USP36: variants seen among roughly 807,000 people sequenced by gnomAD.
USP36 encodes the protein ubiquitin carboxyl-terminal hydrolase 36.
USP36 carries 59 observed loss-of-function variants against 111.5 expected under a neutral mutation model. The ratio of observed to expected loss-of-function variants is 0.53; its 90% CI spans 0.43 to 0.66. The LOEUF (loss-of-function observed/expected upper bound fraction) is 0.66. USP36 is among the 30% of genes least tolerant of loss of function. The probability of loss-of-function intolerance (pLI) is 0.00; values close to 1 mark genes in which losing one functional copy is unlikely to be tolerated. For synonymous variants in USP36, 628 were observed against 581.0 expected (o/e 1.08, Z -1.16); for missense variants, 1,488 against 1,468.0 (o/e 1.01, Z -0.22).
At chr17:78,836,453 C>A in intron 2 of USP36, 81 bp from the exon 3 acceptor site, 1 of 1,522,598 alleles carries the variant, frequency 6.6e-7, no homozygotes, top group South Asian at 1.3e-5. Context: ...CCTCTTTGGT[C>A]ATTATGGATG....
At chr17:78,827,474 G>T in intron 5 of USP36, 127 bp from the exon 6 acceptor site, 3 of 845,226 alleles carry the variant, frequency 3.5e-6, no homozygotes, top group East Asian at 2.7e-5. Context: ...AAAGGAACAA[G>T]TGAGGAAAAC....
At chr17:78,799,645 A>G in intron 18 of USP36, 22 bp downstream of exon 18, 1 of 1,608,414 alleles carries the variant, frequency 6.2e-7, no homozygotes, top group Non-Finnish European at 8.5e-7. Flanking sequence ...GGCAAACAGA[A>G]GTCCTGTCTC....
intron 5 of USP36, among the ~76,000 whole-genome samples, chr17:78,828,490 T>C (rs1199277788): frequency 6.6e-6 from 1 of 152,150 alleles, no homozygotes; most frequent in Non-Finnish European, 1.5e-5. Context: ...CTCCTCCACC[T>C]GCCCAAAGGA....
At chr17:78,829,508 G>A (rs1394917750) in intron 4 of USP36, among the ~76,000 whole-genome samples, 1 of 152,162 alleles carries the variant, frequency 6.6e-6, no homozygotes, top group African/African-American at 2.4e-5. Context: ...GGATACATCT[G>A]GGGTTGAAAA....
intron 4 of USP36, among the ~76,000 whole-genome samples, chr17:78,832,480 G>A (rs1274356938): frequency 6.6e-6 from 1 of 152,210 alleles, no homozygotes; most frequent in Non-Finnish European, 1.5e-5. Flanking sequence ...GACCGGTATT[G>A]GAAGGAAGAC....
intron 4 of USP36, among the ~76,000 whole-genome samples, chr17:78,833,424 G>A (rs1003300132): frequency 1.1e-4 from 16 of 152,128 alleles, no homozygotes; most frequent in South Asian, 2.1e-4. Flanking sequence ...TGGGATTACA[G>A]GTGTGAGCCA....
At position 78,835,471 on chromosome 17, in the gene USP36, T is replaced by C; in HGVS notation, c.284A>G (p.Asp95Gly). The change falls in exon 4 of 21, where the codon GAC becomes GGC. Residue 95 changes from aspartate to glycine, a missense_variant. Asp to Gly is a moderately conservative substitution (Grantham distance 94). Around this residue, in one of 3 missense-constraint regions of USP36, gnomAD observed 219 missense variants for 209.5 expected, o/e 1.05. Coordinates refer to ENST00000449938, the MANE Select transcript of USP36 (RefSeq NM_001385174.1). ...GSEHTYESCGDGVPAPQKVLF... is the reference protein window; with the variant it reads ...GSEHTYESCGGGVPAPQKVLF... ...CACTTTCTGCGGGGCTGGGACTCCG[T>C]CACCACAGCTCTCATACGTGTGCTC... is the stretch of plus-strand genomic sequence containing the variant. 6.2e-7 allele frequency: 1 copy of C among 1,609,422 alleles called. No homozygotes were observed. The highest frequency in any genetic ancestry group is 8.5e-7 in the Non-Finnish European group (1 of 1,177,698).
At chr17:78,835,022 G>A (rs1056770716) in intron 4 of USP36, among the ~76,000 whole-genome samples, 6 of 129,208 alleles carry the variant, frequency 4.6e-5, no homozygotes, top group Non-Finnish European at 7.9e-5. Context: ...TATATATTTT[G>A]GAAGTATCTT....
At chr17:78,812,732 A>C in intron 13 of USP36, 128 bp downstream of exon 13, 1 of 883,022 alleles carries the variant, frequency 1.1e-6, no homozygotes, top group Non-Finnish European at 1.6e-6. Context: ...AAGAAAAGAA[A>C]TAACATCAAC....
rs552956040 is a variant in USP36, at chr17:78,813,745, T to G, written c.1265+28A>C. ...TAAGAAAAGAGCAGAGGGAGTGAGC[T>G]CATCTGGGGAGGGCGTGAGTTTATT... On this transcript the variant is annotated intron_variant, in intron 12 of 20. Coordinates refer to ENST00000449938, the MANE Select transcript of USP36 (RefSeq NM_001385174.1). 44 of 1,598,854 alleles carry G rather than the reference T, an allele frequency of 2.8e-5. No individual in the cohort carries two copies. The Admixed American group carries it at 5.4e-4, about 20-fold the overall frequency.
At chr17:78,813,998 A>T in intron 11 of USP36, 125 bp from the exon 12 acceptor site, 1 of 783,910 alleles carries the variant, frequency 1.3e-6, no homozygotes, top group Non-Finnish European at 2.1e-6. Context: ...AATAATCAAC[A>T]GGTAACAACT....
Position 78,798,818 on chromosome 17 carries a change from G to T in USP36, c.3240+90C>A. ...CTCTTCTCATGCTCGGCCGCTTCAT[G>T]CCACTGCCGCCACCTCCAACTGCCC... is the stretch of plus-strand genomic sequence containing the variant. On this transcript the variant is annotated intron_variant, in intron 19 of 20. Coordinates refer to ENST00000449938, the MANE Select transcript of USP36 (RefSeq NM_001385174.1). The surrounding 1 kb of genome is among the most constrained non-coding windows in gnomAD (Gnocchi z 5.1). The T allele has an allele frequency of 6.7e-7, 1 of 1,485,222 alleles. No homozygotes were observed. The highest frequency in any genetic ancestry group is 9.3e-7 in the Non-Finnish European group (1 of 1,074,642). The allele number at this position is 1,485,222 out of a possible 1,614,324, so 92.0% of individuals were successfully genotyped here. A position where few individuals can be genotyped will look rare whatever the true frequency, so the allele number is the denominator to read the frequency against.
In USP36 at chr17:78,820,021, G is replaced by T; in HGVS notation, c.829-9C>A. 2 of 1,613,134 alleles carry T rather than the reference G, an allele frequency of 1.2e-6. No homozygotes were observed. The highest frequency in any genetic ancestry group is 1.1e-5 in the South Asian group (1 of 90,916). ...ACAATATTCGCAGCTTGCTGAGGAG[G>T]ACAAAAACAGGGAGTAAAATACACA... On this transcript the variant is annotated splice_polypyrimidine_tract_variant and intron_variant, in intron 8 of 20. Transcript: ENST00000449938.
Position 78,821,002 on chromosome 17 carries a change from G to C in USP36, c.817C>G (p.Leu273Val), listed in dbSNP as rs1045911594. ...DTYDPYLDVA[L>V]EIRQAANIVR... The stretch of plus-strand genomic sequence containing the variant: ...GGACAGATCTGTACCCGGATCTCCA[G>C]CGCGACGTCCAAGTAGGGGTCGTAG... The change falls in exon 8 of 21, where the codon CTG (leucine) becomes GTG (valine). Residue 273 changes from leucine (L) to valine (V), a missense_variant. By Grantham distance (32) the Leu-to-Val change is conservative. Around this residue, in one of 3 missense-constraint regions of USP36, gnomAD observed 196 missense variants for 264.4 expected, o/e 0.74. Coordinates refer to ENST00000449938, the MANE Select transcript of USP36 (RefSeq NM_001385174.1). The C allele has an allele frequency of 6.2e-7, 1 of 1,608,894 alleles. No homozygotes were observed. The highest frequency in any genetic ancestry group is 8.5e-7 in the Non-Finnish European group (1 of 1,177,660).
At chr17:78,804,625 T>TAAAAA (rs35371422) in intron 15 of USP36, among the ~76,000 whole-genome samples, 5 of 38,340 alleles carry the variant, frequency 1.3e-4, no homozygotes, top group South Asian at 8.0e-4. Context: ...CCCTGAGATT[T>TAAAAA]AAAAAAAAAA....
chr17:78,828,805 G>C, intron 5 of USP36, 92 bp downstream of exon 5: 3 of 1,299,064 alleles, frequency 2.3e-6, no homozygotes, highest in Non-Finnish European at 2.1e-6. Context: ...AGGAATTTAA[G>C]ACCAGCCTGG....
At position 78,832,474 on chromosome 17, in the gene USP36, G is replaced by A. The variant is rs976954413; in HGVS notation, c.475+2806C>T. 3.3e-5 allele frequency among the ~76,000 whole-genome samples: 5 copies of A among 152,328 alleles called. No homozygotes were observed. In the East Asian group the frequency reaches 5.8e-4, roughly 18 times the overall value. ...CACAGTGATACTGGCCCATGGGACC[G>A]GTATTGGAAGGAAGACCAGGCGTTC... is the stretch of plus-strand genomic sequence containing the variant. On this transcript the variant is annotated intron_variant, in intron 4 of 20. Transcript: ENST00000449938.
chr17:78,828,772 A>C, intron 5 of USP36, 125 bp downstream of exon 5: 1 of 938,872 alleles, frequency 1.1e-6, no homozygotes, highest in East Asian at 2.7e-5. Context: ...TGGCAGGCCA[A>C]AACGGAAGGA....
chr17:78,821,120 C>T, intron 7 of USP36, 59 bp from the exon 8 acceptor site: 1 of 1,513,396 alleles, frequency 6.6e-7, no homozygotes, highest in African/African-American at 1.4e-5. Flanking sequence ...TCCCAGCTCC[C>T]AAGACCGAGA....
Sources: gnomAD v4.1 joint callset for allele counts (sites outside exome capture counted in the v4.1 genomes callset) on GRCh38, gnomAD v4.1.1 for gene constraint, gnomAD v4.1.1 regional missense constraint, Gnocchi (gnomAD v3.1) non-coding constraint, MANE v1.5 for transcripts, NCBI Gene and HGNC (gene_info 2026-07-23, HGNC 2026-07-21) for gene names.